Variants in RPTOR observed in about 807,000 individuals in gnomAD.
RPTOR encodes the protein regulatory-associated protein of mTOR.
RPTOR carries 21 observed loss-of-function variants against 169.9 expected under a neutral mutation model. The observed-to-expected ratio is 0.12, with a 90% CI of 0.09 to 0.18. The LOEUF (loss-of-function observed/expected upper bound fraction) is 0.18, where lower values mean the gene tolerates loss of function less well. Among genes scored for constraint, RPTOR ranks in the 10% least tolerant of loss-of-function variants. The pLI is 1.00. For missense variants in RPTOR, 1,133 were observed against 1,855.9 expected (o/e 0.61, Z 7.16); for synonymous variants, 732 against 753.2 (o/e 0.97, Z 0.46).
chr17:80,860,220 C>T lies in RPTOR; in HGVS notation c.1509+2320C>T, dbSNP rs986208269. 5.3e-5 allele frequency among the ~76,000 whole-genome samples: 8 copies of T among 152,246 alleles called. No homozygotes were observed. Among genetic ancestry groups the T allele is most frequent in the African/African-American group, 1.2e-4 (5 of 41,462 alleles). The stretch of plus-strand genomic sequence containing the variant: ...TCATCCTTAGCCCTGTCAGCCATGT[C>T]GCACTGGCCACCAGGACCTGCTGTG... On this transcript the variant is annotated intron_variant, in intron 13 of 33. Coordinates refer to ENST00000306801, the MANE Select transcript of RPTOR (RefSeq NM_020761.3). The surrounding 1 kb of genome is among the most constrained non-coding windows in gnomAD (Gnocchi z 5.8).
Position 80,964,329 on chromosome 17 carries a change from A to G in RPTOR, c.4007A>G (p.Ter1336TrpextTer34). Residue 1336 changes from the stop codon to tryptophan (W), a stop_lost, in exon 34 of 34, where the codon TAG becomes TGG. Transcript: ENST00000306801. ...TACTCGGTGGAGAAGCGTGTCAGAT[A>G]GCGGCGTGACCCGGGCCCACCAGGC... ...SVYSVEKRVR[*>W] 1 of 1,606,782 alleles carries G rather than the reference A, an allele frequency of 6.2e-7. No homozygotes were observed.
chr17:80,667,750 C>T (rs1377348248), intron 3 of RPTOR, among the ~76,000 whole-genome samples: 1 of 152,228 alleles, frequency 6.6e-6, no homozygotes, highest in Admixed American at 6.5e-5. Flanking sequence ...TTGATACTAA[C>T]TGCAGTTTGG....
At chr17:80,550,015 A>T (rs936022590) in intron 1 of RPTOR, among the ~76,000 whole-genome samples, 1 of 152,258 alleles carries the variant, frequency 6.6e-6, no homozygotes, top group Non-Finnish European at 1.5e-5. Context: ...TGCCCAGGTC[A>T]TGGAGGAAGC....
At chr17:80,632,152 G>T (rs532946022) in intron 2 of RPTOR, among the ~76,000 whole-genome samples, 1 of 152,258 alleles carries the variant, frequency 6.6e-6, no homozygotes, top group South Asian at 2.1e-4. Flanking sequence ...CTCACTGCTG[G>T]CTCCCGGTGA....
At chr17:80,774,139 G>A (rs2066870810) in intron 6 of RPTOR, 22 of 985,206 alleles carry the variant, frequency 2.2e-5, no homozygotes, top group Non-Finnish European at 2.7e-5. Flanking sequence ...TGACTCGAGG[G>A]CGCTGTGACA....
intron 20 of RPTOR, among the ~76,000 whole-genome samples, chr17:80,895,282 G>GC (rs2068384464): frequency 6.6e-6 from 1 of 152,156 alleles, no homozygotes; most frequent in African/African-American, 2.4e-5. Context: ...CTCATTCAGA[G>GC]CCCCCATCTG....
chr17:80,630,828 C>T (rs1285714498), intron 2 of RPTOR, among the ~76,000 whole-genome samples: 1 of 152,212 alleles, frequency 6.6e-6, no homozygotes, highest in African/African-American at 2.4e-5. Context: ...CCACGTGCCT[C>T]ACTGAGTGGT....
chr17:80,602,648 A>G, intron 1 of RPTOR: 1 of 683,654 alleles, frequency 1.5e-6, no homozygotes. Context: ...CTTCATCCTC[A>G]TTACATTTTC....
intron 7 of RPTOR, among the ~76,000 whole-genome samples, chr17:80,819,893 AC>A (rs2067362118): frequency 6.6e-6 from 1 of 152,132 alleles, no homozygotes; most frequent in Admixed American, 6.5e-5. Context: ...GCACGTTGTT[AC>A]AGTCGTGCTG....
intron 24 of RPTOR, among the ~76,000 whole-genome samples, chr17:80,925,692 C>G (rs1475730249): frequency 6.6e-6 from 1 of 152,130 alleles, no homozygotes; most frequent in Non-Finnish European, 1.5e-5. Context: ...CTCGCTGGAG[C>G]TTCCCAGTGT....
At chr17:80,881,786 C>T (rs1214754217) in intron 14 of RPTOR, among the ~76,000 whole-genome samples, 1 of 152,208 alleles carries the variant, frequency 6.6e-6, no homozygotes, top group Non-Finnish European at 1.5e-5. Flanking sequence ...TGTACAACTG[C>T]ACTCCAGCCT....
chr17:80,643,951 G>C (rs1289782193), intron 3 of RPTOR, 141 bp downstream of exon 3: 1 of 635,434 alleles, frequency 1.6e-6, no homozygotes. Context: ...ACTGCGTTTC[G>C]TGTGCCTGCG....
At chr17:80,568,813 A>C (rs1206063209) in intron 1 of RPTOR, among the ~76,000 whole-genome samples, 2 of 151,916 alleles carry the variant, frequency 1.3e-5, no homozygotes, top group Non-Finnish European at 2.9e-5. Flanking sequence ...GCGTTCTCTC[A>C]TCTATTCTTC....
At chr17:80,877,766 C>CTTGAAAACT in intron 13 of RPTOR, among the ~76,000 whole-genome samples, 2 of 152,304 alleles carry the variant, frequency 1.3e-5, no homozygotes. Flanking sequence ...CCAGTTGTTG[C>CTTGAAAACT]TTGAAAACTG....
At chr17:80,903,191 G>A (rs2068498378) in intron 20 of RPTOR, among the ~76,000 whole-genome samples, 1 of 152,258 alleles carries the variant, frequency 6.6e-6, no homozygotes, top group Non-Finnish European at 1.5e-5. Flanking sequence ...CAAGCGCCCT[G>A]CTCACCCAGA....
chr17:80,881,577 G>C (rs1281281690), intron 14 of RPTOR, among the ~76,000 whole-genome samples: 1 of 152,254 alleles, frequency 6.6e-6, no homozygotes, highest in Admixed American at 6.5e-5. Context: ...CCAGCGCTTT[G>C]GGAGGCCAAG....
At chr17:80,705,263 C>T (rs762535671) in intron 3 of RPTOR, among the ~76,000 whole-genome samples, 7 of 152,258 alleles carry the variant, frequency 4.6e-5, no homozygotes, top group African/African-American at 1.2e-4. Flanking sequence ...CTTTATTTTT[C>T]GAGCAGCATT....
chr17:80,741,565 TG>T (rs1008607675), intron 5 of RPTOR, among the ~76,000 whole-genome samples: 2 of 152,116 alleles, frequency 1.3e-5, no homozygotes, highest in Non-Finnish European at 2.9e-5. Flanking sequence ...ATGGAGGTCT[TG>T]GGGTGCAGGA....
At chr17:80,884,926 C>G (rs1490437463) in intron 16 of RPTOR, 82 bp from the exon 17 acceptor site, 3 of 1,517,924 alleles carry the variant, frequency 2.0e-6, no homozygotes, top group Non-Finnish European at 2.7e-6. Flanking sequence ...TTGGATTCAC[C>G]TGCACACACA....
Sources: gnomAD v4.1 joint callset for allele counts (sites outside exome capture counted in the v4.1 genomes callset) on GRCh38, gnomAD v4.1.1 for gene constraint, Gnocchi (gnomAD v3.1) non-coding constraint, MANE v1.5 for transcripts, NCBI Gene and HGNC (gene_info 2026-07-23, HGNC 2026-07-21) for gene names.